The following CDC40 variants were observed in gnomAD, a reference collection of about 807,000 sequenced individuals.
CDC40 encodes cell division cycle 40.
Under a neutral mutation model 80.6 loss-of-function variants are expected in CDC40, and 27 were observed. The observed-to-expected ratio is 0.33, with a 90% CI of 0.25 to 0.46. The LOEUF is 0.46. Among genes scored for constraint, CDC40 ranks in the 20% least tolerant of loss-of-function variants. The pLI, the probability that CDC40 is intolerant of heterozygous loss-of-function variation, is 1.00. For missense variants in CDC40, 486 were observed against 694.1 expected (o/e 0.70, Z 3.37); for synonymous variants, 221 against 232.6 (o/e 0.95, Z 0.45).
intron 3 of CDC40, among the ~76,000 whole-genome samples, chr6:110,204,711 G>A (rs1054833014): frequency 3.4e-4 from 47 of 138,132 alleles, no homozygotes; most frequent in African/African-American, 1.2e-3. Context: ...CACTCAGGCC[G>A]TGCAGTTGTG....
chr6:110,207,537 T>G lies in CDC40; in HGVS notation c.438T>G (p.His146Gln). ...GYALDPSLDN[H>Q]QVSAKYIGSV... ...CATTAGACCCTTCATTAGATAATCA[T>G]CAAGTGTCTGCTAAATATATTGGTT... The change falls in exon 4 of 15, where the codon CAT becomes CAG. Residue 146 changes from histidine (H) to glutamine (Q), a missense_variant. This residue lies in a region of CDC40 where 381 missense variants were observed against 492.1 expected (regional missense o/e 0.77). Transcript: ENST00000307731. 6.2e-7 allele frequency: 1 copy of G among 1,604,928 alleles called. No individual in the cohort carries two copies. The highest frequency in any genetic ancestry group is 8.5e-7 in the Non-Finnish European group (1 of 1,172,344).
intron 1 of CDC40, among the ~76,000 whole-genome samples, chr6:110,183,883 A>G (rs1271715761): frequency 6.6e-6 from 1 of 151,228 alleles, no homozygotes; most frequent in Non-Finnish European, 1.5e-5. Flanking sequence ...TTTCCTTTTG[A>G]TTTTTAGAAG....
intron 1 of CDC40, among the ~76,000 whole-genome samples, chr6:110,187,310 C>G (rs1777286585): frequency 6.6e-6 from 1 of 152,224 alleles, no homozygotes. Context: ...AAAAGCAGAT[C>G]TGGCTTTCTC....
chr6:110,229,100 C>T (rs1403841449), intron 14 of CDC40, 124 bp downstream of exon 14: 1 of 843,278 alleles, frequency 1.2e-6, no homozygotes, highest in East Asian at 3.1e-5. Flanking sequence ...GATGATCTGT[C>T]AAAATTGTCA....
intron 5 of CDC40, among the ~76,000 whole-genome samples, 200 bp from the exon 6 acceptor site, chr6:110,210,507 G>A (rs750243117): frequency 8.9e-5 from 13 of 145,846 alleles, no homozygotes; most frequent in Non-Finnish European, 1.8e-4. Flanking sequence ...GCAGAGATTC[G>A]CGCCACTGCA....
At position 110,180,521 on chromosome 6, in the gene CDC40, G is replaced by A; in HGVS notation, c.77G>A (p.Ser26Asn). ...TCCGAATCGGACTCGGACAGTGAGA[G>A]CAGTCGGTGTCCGCTGCCAGCCGCC... ...SGSESDSDSESSRCPLPAADS... is the reference protein window; with the variant it reads ...SGSESDSDSENSRCPLPAADS... Residue 26 changes from serine (S) to asparagine (N), a missense_variant, in exon 1 of 15, where the codon AGC (serine) becomes AAC (asparagine). Physicochemically the swap from Ser to Asn is conservative, Grantham distance 46. Transcript: ENST00000307731. 1 of 1,614,216 alleles carries A rather than the reference G, an allele frequency of 6.2e-7. No individual in the cohort carries two copies. The highest frequency in any genetic ancestry group is 1.3e-5 in the African/African-American group (1 of 75,066).
At chr6:110,225,456 T>G (rs993768018) in intron 12 of CDC40, among the ~76,000 whole-genome samples, 3 of 151,986 alleles carry the variant, frequency 2.0e-5, no homozygotes, top group East Asian at 1.9e-4. Flanking sequence ...TGAGGTTTTT[T>G]TTTTTTTTTT....
intron 2 of CDC40, among the ~76,000 whole-genome samples, chr6:110,197,034 A>G (rs1777427240): frequency 6.6e-6 from 1 of 152,144 alleles, no homozygotes; most frequent in African/African-American, 2.4e-5. Context: ...AATTGTCTTA[A>G]TTCCTGCAAT....
rs1584087235 is a variant in CDC40 at position 110,228,717 on chromosome 6, T to G, written c.1418-115T>G. 7 of 717,292 alleles carry G rather than the reference T, an allele frequency of 9.8e-6. No homozygotes were observed. The East Asian group carries it at 2.1e-4, about 22-fold the overall frequency. 44.4% of individuals were successfully genotyped at this position (717,292 alleles called of 1,614,324 possible). On this transcript the variant is annotated intron_variant, in intron 13 of 14. Transcript: ENST00000307731. Reference sequence around the variant, plus strand: ...GGTATAGTAAATTTATTTTTTAGTATTATAAAGTATTTGGGAGCAAAACTT... The same window carrying G: ...GGTATAGTAAATTTATTTTTTAGTAGTATAAAGTATTTGGGAGCAAAACTT...
At chr6:110,192,871 C>T (rs1290292652) in intron 1 of CDC40, among the ~76,000 whole-genome samples, 5 of 151,910 alleles carry the variant, frequency 3.3e-5, no homozygotes, top group African/African-American at 9.7e-5. Flanking sequence ...AGTAGAGGTT[C>T]GGGTCTTTTG....
At chr6:110,208,959 C>G in intron 4 of CDC40, 125 bp from the exon 5 acceptor site, 1 of 652,580 alleles carries the variant, frequency 1.5e-6, no homozygotes, top group Non-Finnish European at 2.6e-6. Context: ...ACTCTGGGGT[C>G]ACTTGAACAA....
intron 1 of CDC40, among the ~76,000 whole-genome samples, chr6:110,183,834 T>G (rs1425629244): frequency 1.3e-5 from 2 of 152,192 alleles, no homozygotes; most frequent in Non-Finnish European, 2.9e-5. Flanking sequence ...TATTGGTGAT[T>G]TAATTTTTTT....
chr6:110,180,450 G>T lies in CDC40; in HGVS notation c.6G>T (p.Ser2=), dbSNP rs770945694. The T allele has an allele frequency of 6.2e-7, 1 of 1,613,904 alleles. No homozygotes were observed. M[S]AAIAALAASY... Reference sequence around the variant, plus strand: ...GCAGAAGATTTGTTGCCGTCATGTCGGCTGCGATTGCAGCTCTGGCCGCTT... The same window carrying T: ...GCAGAAGATTTGTTGCCGTCATGTCTGCTGCGATTGCAGCTCTGGCCGCTT... The change falls in exon 1 of 15, where the codon TCG becomes TCT. Residue 2 remains serine (S), a synonymous_variant. Transcript: ENST00000307731.
intron 2 of CDC40, among the ~76,000 whole-genome samples, chr6:110,196,097 A>G (rs1562200944): frequency 1.3e-5 from 2 of 152,192 alleles, no homozygotes; most frequent in Admixed American, 1.3e-4. Flanking sequence ...CTAAAACCCT[A>G]TGAAGTAAGT....
At chr6:110,219,694 A>C (rs757349180) in intron 11 of CDC40, 42 bp from the exon 12 acceptor site, 1 of 1,594,928 alleles carries the variant, frequency 6.3e-7, no homozygotes, top group South Asian at 1.1e-5. Context: ...TCATAAATCC[A>C]CTCTACTTCT....
chr6:110,207,314 C>CAAAAA (rs869177206), intron 3 of CDC40, among the ~76,000 whole-genome samples, 192 bp from the exon 4 acceptor site: 1 of 52,508 alleles, frequency 1.9e-5, no homozygotes, highest in Non-Finnish European at 4.4e-5. Flanking sequence ...GACCCTATCT[C>CAAAAA]AAAAAAAAAA....
intron 2 of CDC40, among the ~76,000 whole-genome samples, chr6:110,194,368 T>A (rs573903757): frequency 6.6e-6 from 1 of 152,346 alleles, no homozygotes; most frequent in African/African-American, 2.4e-5. Context: ...TTTTGTAGCA[T>A]AAATTAGCCC....
chr6:110,216,768 T>C (rs1777704647), intron 9 of CDC40, among the ~76,000 whole-genome samples: 1 of 152,232 alleles, frequency 6.6e-6, no homozygotes, highest in Non-Finnish European at 1.5e-5. Flanking sequence ...ACATTTTTGC[T>C]TTTGTTTAGC....
At chr6:110,194,484 T>A (rs12110744) in intron 2 of CDC40, among the ~76,000 whole-genome samples, 31,108 of 152,114 alleles carry the variant, frequency 0.2, 4,410 homozygotes, top group African/African-American at 0.4. Context: ...ACAGCCAGAG[T>A]TGTCAGTGCT....
Sources: gnomAD v4.1 joint callset for allele counts (sites outside exome capture counted in the v4.1 genomes callset) on GRCh38, gnomAD v4.1.1 for gene constraint, gnomAD v4.1.1 regional missense constraint, MANE v1.5 for transcripts, NCBI Gene and HGNC (gene_info 2026-07-23, HGNC 2026-07-21) for gene names.